Variants in IFT88 observed in about 807,000 individuals in gnomAD.
IFT88 encodes the protein intraflagellar transport protein 88 homolog.
Under a neutral mutation model 119.5 loss-of-function variants are expected in IFT88, and 74 were observed. The ratio of observed to expected loss-of-function variants is 0.62; its 90% CI spans 0.51 to 0.75. The LOEUF (loss-of-function observed/expected upper bound fraction) is 0.75, where lower values mean the gene tolerates loss of function less well. IFT88 is among the 30% of genes least tolerant of loss of function. The probability of loss-of-function intolerance (pLI) is 0.00; values close to 1 mark genes in which losing one functional copy is unlikely to be tolerated. For missense variants in IFT88, 961 were observed against 977.7 expected (o/e 0.98, Z 0.23); for synonymous variants, 279 against 316.7 (o/e 0.88, Z 1.26).
Position 20,673,858 on chromosome 13 carries a change from A to G in IFT88, c.2242+2819A>G, listed in dbSNP as rs189133651. The stretch of plus-strand genomic sequence containing the variant: ...TATTCTCACATGAGAGACTTTTGGC[A>G]TACAAACTCTGTGCTCTCAAGGCAT... On this transcript the variant is annotated intron_variant, in intron 24 of 25. Transcript: ENST00000351808. Among the ~76,000 whole-genome samples the G allele has an allele frequency of 2.8e-4, 42 of 152,330 alleles. No homozygotes were observed. The South Asian group carries it at 3.7e-3, about 14-fold the overall frequency.
chr13:20,602,385 A>G (rs1321930661), intron 12 of IFT88, among the ~76,000 whole-genome samples: 4 of 151,702 alleles, frequency 2.6e-5, no homozygotes, highest in Non-Finnish European at 5.9e-5. Context: ...TTTTATTTTT[A>G]GTAGAGAAGG....
chr13:20,607,122 C>T (rs896221468), intron 13 of IFT88: 20 of 397,282 alleles, frequency 5.0e-5, no homozygotes, highest in African/African-American at 8.5e-5. Flanking sequence ...TTCCTGTTCC[C>T]GGTGACTGTG....
intron 18 of IFT88, chr13:20,642,783 T>A (rs1052210): frequency 0.66 from 99,381 of 151,390 alleles, 33,562 homozygotes; most frequent in Middle Eastern, 0.78. Flanking sequence ...ACATTTTCTT[T>A]TTTTTTTTTC....
intron 3 of IFT88, among the ~76,000 whole-genome samples, chr13:20,585,299 A>G (rs912197935): frequency 1.3e-5 from 2 of 152,196 alleles, no homozygotes; most frequent in African/African-American, 4.8e-5. Flanking sequence ...GACTCAAAGA[A>G]CTCACTGAAA....
intron 24 of IFT88, among the ~76,000 whole-genome samples, chr13:20,689,389 C>T (rs1230782701): frequency 1.3e-5 from 2 of 152,132 alleles, no homozygotes; most frequent in Non-Finnish European, 2.9e-5. Flanking sequence ...ATAACGTTGT[C>T]GTATTTACTA....
intron 7 of IFT88, among the ~76,000 whole-genome samples, chr13:20,594,077 GACATAT>G (rs1466394580): frequency 6.7e-6 from 1 of 149,720 alleles, no homozygotes; most frequent in Non-Finnish European, 1.5e-5. Context: ...AAAAAAAAAA[GACATAT>G]ACATAATTAA....
intron 20 of IFT88, among the ~76,000 whole-genome samples, chr13:20,647,078 A>G (rs924120432): frequency 2.0e-5 from 3 of 152,102 alleles, no homozygotes; most frequent in Admixed American, 2.0e-4. Flanking sequence ...GATCTCTTCA[A>G]TTCCCCTATG....
At chr13:20,651,489 A>ACTTTT (rs2051687444) in intron 20 of IFT88, among the ~76,000 whole-genome samples, 1 of 149,606 alleles carries the variant, frequency 6.7e-6, no homozygotes, top group Non-Finnish European at 1.5e-5. Flanking sequence ...AGTCAAAAGT[A>ACTTTT]GCCTCAGCAT....
intron 22 of IFT88, among the ~76,000 whole-genome samples, chr13:20,659,216 G>A (rs1220767691): frequency 6.6e-6 from 1 of 152,178 alleles, no homozygotes; most frequent in Non-Finnish European, 1.5e-5. Context: ...GTTTCTGGCT[G>A]TGCGTGATGG....
intron 24 of IFT88, among the ~76,000 whole-genome samples, chr13:20,687,359 A>AGCATATGCTTGGAATC (rs1165004086): frequency 9.9e-5 from 15 of 152,192 alleles, no homozygotes; most frequent in Non-Finnish European, 2.1e-4. Flanking sequence ...AGCTTGGAAT[A>AGCATATGCTTGGAATC]GCATATGCTT....
intron 23 of IFT88, among the ~76,000 whole-genome samples, chr13:20,667,052 T>C (rs539771969): frequency 5.1e-4 from 78 of 152,346 alleles, no homozygotes; most frequent in African/African-American, 1.5e-3. Context: ...CAGATTTCCG[T>C]CACTTTGTGC....
chr13:20,650,164 A>G (rs916245570), intron 20 of IFT88, among the ~76,000 whole-genome samples: 23 of 152,170 alleles, frequency 1.5e-4, no homozygotes, highest in African/African-American at 5.5e-4. Flanking sequence ...AAGGTAAACA[A>G]AGACACTACA....
At chr13:20,619,226 A>G (rs544196583) in intron 14 of IFT88, among the ~76,000 whole-genome samples, 2 of 152,242 alleles carry the variant, frequency 1.3e-5, no homozygotes, top group Non-Finnish European at 2.9e-5. Context: ...TCAACGATAC[A>G]TCACAAAACA....
chr13:20,674,724 A>ATATAT (rs1263602871), intron 24 of IFT88, among the ~76,000 whole-genome samples: 1 of 73,812 alleles, frequency 1.4e-5, no homozygotes, highest in Admixed American at 1.9e-4. Flanking sequence ...ATATATATAT[A>ATATAT]TTTTTTTTTT....
In IFT88 at chr13:20,673,717, C is replaced by G. The variant is rs546612537; in HGVS notation, c.2242+2678C>G. ...AGAGAGGCCTTCCTCTTGAAGAGTT[C>G]CCTTCTGGTCCTGGCCTCCCACTGC... On this transcript the variant is annotated intron_variant, in intron 24 of 25. Transcript: ENST00000351808. 1.1e-4 allele frequency among the ~76,000 whole-genome samples: 16 copies of G among 152,318 alleles called. No homozygotes were observed. The East Asian group carries it at 2.9e-3, about 28-fold the overall frequency.
At chr13:20,672,798 A>G (rs771245154) in intron 24 of IFT88, among the ~76,000 whole-genome samples, 5 of 152,236 alleles carry the variant, frequency 3.3e-5, no homozygotes, top group African/African-American at 7.2e-5. Context: ...AATCAAGTCA[A>G]GTTCTATACC....
chr13:20,663,361 T>A (rs565869132), intron 22 of IFT88, 137 bp from the exon 23 acceptor site: 5 of 1,528,440 alleles, frequency 3.3e-6, no homozygotes, highest in Non-Finnish European at 3.5e-6. Flanking sequence ...AAAGTGTAAT[T>A]ATTTTTCAGG....
In IFT88 at chr13:20,655,951, A is replaced by G. The variant is rs148531548; in HGVS notation, c.2003-414A>G. On this transcript the variant is annotated intron_variant, in intron 21 of 25. Transcript: ENST00000351808. The stretch of plus-strand genomic sequence containing the variant: ...GGATCTTAATTTTTGCCACTAAAAT[A>G]TTTAAAGTGAACCAGGCTCAGCAAT... Among the ~76,000 whole-genome samples, 379 of 152,214 alleles carry G rather than the reference A, an allele frequency of 2.5e-3. 4 individuals are homozygous for G. The highest frequency in any genetic ancestry group is 8.1e-3 in the African/African-American group (336 of 41,542).
chr13:20,682,096 G>GT (rs1208259839), intron 24 of IFT88, among the ~76,000 whole-genome samples: 1 of 152,238 alleles, frequency 6.6e-6, no homozygotes, highest in Non-Finnish European at 1.5e-5. Flanking sequence ...TAGTGTTTTT[G>GT]TAAGAGGGAC....
Sources: allele counts gnomAD v4.1 joint callset (sites outside exome capture counted in the v4.1 genomes callset), GRCh38; gene constraint gnomAD v4.1.1; transcripts MANE v1.5; gene names NCBI Gene and HGNC (gene_info 2026-07-23, HGNC 2026-07-21).